The following WDR17 variants were observed in gnomAD, a reference collection of about 807,000 sequenced individuals.
The protein encoded by WDR17 is WD repeat-containing protein 17.
A neutral mutation model predicts 161.7 loss-of-function variants in WDR17; 143 were observed. The observed-to-expected ratio is 0.88, with a 90% CI of 0.77 to 1.02. The LOEUF is 1.02. Among genes scored for constraint, WDR17 ranks in the 50% least tolerant of loss-of-function variants. The probability of loss-of-function intolerance (pLI) is 0.00; values close to 1 mark genes in which losing one functional copy is unlikely to be tolerated. For synonymous variants in WDR17, 517 were observed against 515.6 expected (o/e 1.00, Z -0.04); for missense variants, 1,469 against 1,520.9 (o/e 0.97, Z 0.57).
intron 7 of WDR17, among the ~76,000 whole-genome samples, chr4:176,134,840 G>A (rs1298737273): frequency 6.6e-6 from 1 of 151,596 alleles, no homozygotes; most frequent in African/African-American, 2.4e-5. Context: ...ACTGAAAAGT[G>A]AGACTTCTGA....
intron 1 of WDR17, chr4:176,096,718 C>A: frequency 1.7e-6 from 1 of 585,518 alleles, no homozygotes. Flanking sequence ...GAATAAGACA[C>A]TTATTTGCTA....
intron 1 of WDR17, among the ~76,000 whole-genome samples, chr4:176,102,042 T>A (rs1737909878): frequency 6.6e-6 from 1 of 152,072 alleles, no homozygotes; most frequent in Non-Finnish European, 1.5e-5. Flanking sequence ...AAAATGAAAA[T>A]CTTCAATTTT....
Position 176,082,725 on chromosome 4 carries a change from T to C in WDR17, c.-7+16646T>C, listed in dbSNP as rs28410335. On this transcript the variant is annotated intron_variant, in intron 1 of 28. Coordinates refer to ENST00000508596, the MANE Select transcript of WDR17 (RefSeq NM_181265.4). The stretch of plus-strand genomic sequence containing the variant: ...TTTTCAAAAATTTGTGGAAATATAG[T>C]GTCTAAGATACTTTCCATTTTAAAA... Among the ~76,000 whole-genome samples, 404 of 152,306 alleles carry C rather than the reference T, an allele frequency of 2.7e-3. 5 individuals are homozygous for C. Among genetic ancestry groups the C allele is most frequent in the African/African-American group, 9.4e-3 (389 of 41,588 alleles).
chr4:176,094,575 T>A (rs974539596), intron 1 of WDR17, among the ~76,000 whole-genome samples: 2 of 152,152 alleles, frequency 1.3e-5, no homozygotes, highest in African/African-American at 4.8e-5. Flanking sequence ...CTTGAAAACA[T>A]AGAAGGACAA....
At chr4:176,095,712 C>A (rs1736754241) in intron 1 of WDR17, among the ~76,000 whole-genome samples, 1 of 151,960 alleles carries the variant, frequency 6.6e-6, no homozygotes, top group Non-Finnish European at 1.5e-5. Context: ...TACCATCCAT[C>A]CTTCAGCCCT....
At chr4:176,076,088 C>G (rs1733933250) in intron 1 of WDR17, among the ~76,000 whole-genome samples, 1 of 151,460 alleles carries the variant, frequency 6.6e-6, no homozygotes, top group Admixed American at 6.6e-5. Context: ...CTGTTTTTTT[C>G]CACTTGTACA....
chr4:176,177,387 AATC>A (rs1378287021), intron 27 of WDR17, 81 bp from the exon 28 acceptor site: 2 of 1,291,916 alleles, frequency 1.5e-6, no homozygotes, highest in Admixed American at 2.5e-5. Flanking sequence ...GGAACTAAAT[AATC>A]ATCAGGGATA....
chr4:176,157,056 G>T (rs1748258445), intron 18 of WDR17, among the ~76,000 whole-genome samples: 1 of 151,996 alleles, frequency 6.6e-6, no homozygotes, highest in South Asian at 2.1e-4. Flanking sequence ...TCCATATATG[G>T]TTACATTCAC....
At chr4:176,172,200 T>C (rs1479939637) in intron 23 of WDR17, 175 bp from the exon 24 acceptor site, 1 of 589,876 alleles carries the variant, frequency 1.7e-6, no homozygotes, top group African/African-American at 1.9e-5. Flanking sequence ...TTTTTAGATC[T>C]TAAAGGTATT....
At chr4:176,090,711 A>G (rs1340058147) in intron 1 of WDR17, among the ~76,000 whole-genome samples, 1 of 152,160 alleles carries the variant, frequency 6.6e-6, no homozygotes, top group Non-Finnish European at 1.5e-5. Context: ...ACACAGAAAT[A>G]TAGAGTATGG....
chr4:176,074,900 G>A (rs1445768989), intron 1 of WDR17, among the ~76,000 whole-genome samples: 28 of 146,028 alleles, frequency 1.9e-4, no homozygotes, highest in African/African-American at 7.1e-4. Context: ...AAATTGTGCA[G>A]TGATTACTGA....
chr4:176,114,954 A>T (rs953022812), intron 2 of WDR17, among the ~76,000 whole-genome samples: 1 of 151,882 alleles, frequency 6.6e-6, no homozygotes, highest in African/African-American at 2.4e-5. Flanking sequence ...GTGAACAGGG[A>T]GGAACATGAT....
At chr4:176,171,775 T>C (rs547514099) in intron 23 of WDR17, among the ~76,000 whole-genome samples, 3 of 141,438 alleles carry the variant, frequency 2.1e-5, no homozygotes, top group African/African-American at 9.4e-5. Flanking sequence ...AGAAAAAGAT[T>C]TTTTTTTAAT....
chr4:176,108,005 C>T (rs1739069670), intron 1 of WDR17, among the ~76,000 whole-genome samples: 1 of 150,422 alleles, frequency 6.6e-6, no homozygotes, highest in South Asian at 2.1e-4. Context: ...CCCTTCCACC[C>T]TTCTTCCCTT....
At chr4:176,124,489 A>T (rs1278856860) in intron 4 of WDR17, among the ~76,000 whole-genome samples, 1 of 152,222 alleles carries the variant, frequency 6.6e-6, no homozygotes, top group African/African-American at 2.4e-5. Flanking sequence ...AGTAAATACT[A>T]AGATGCTGTT....
chr4:176,117,333 T>C (rs1740804367), intron 3 of WDR17, among the ~76,000 whole-genome samples: 1 of 152,046 alleles, frequency 6.6e-6, no homozygotes, highest in Admixed American at 6.5e-5. Context: ...CATTTCCAAG[T>C]ACTTTAAATC....
At chr4:176,086,546 A>G (rs1735440718) in intron 1 of WDR17, among the ~76,000 whole-genome samples, 1 of 151,848 alleles carries the variant, frequency 6.6e-6, no homozygotes, top group South Asian at 2.1e-4. Flanking sequence ...TCTTTAAGCA[A>G]CGTTCCTCTC....
chr4:176,084,049 G>GT (rs1735105337), intron 1 of WDR17, among the ~76,000 whole-genome samples: 1 of 151,096 alleles, frequency 6.6e-6, no homozygotes, highest in African/African-American at 2.4e-5. Flanking sequence ...TTTTTTGGTT[G>GT]TAAGTGTCCT....
chr4:176,100,073 G>T (rs760562508), intron 1 of WDR17, among the ~76,000 whole-genome samples: 2 of 152,046 alleles, frequency 1.3e-5, no homozygotes, highest in African/African-American at 4.8e-5. Context: ...TTGCTATAAT[G>T]ATCTATTTCC....
Sources: gnomAD v4.1 joint callset for allele counts (sites outside exome capture counted in the v4.1 genomes callset) on GRCh38, gnomAD v4.1.1 for gene constraint, MANE v1.5 for transcripts, NCBI Gene and HGNC (gene_info 2026-07-23, HGNC 2026-07-21) for gene names.